SMARCC1: variants seen among roughly 807,000 people sequenced by gnomAD.
The protein encoded by SMARCC1 is SWI/SNF complex subunit SMARCC1.
A neutral mutation model predicts 147.4 loss-of-function variants in SMARCC1; 43 were observed. The observed-to-expected ratio is 0.29, with a 90% CI of 0.23 to 0.38. The LOEUF (loss-of-function observed/expected upper bound fraction) is 0.38. Ranked by LOEUF, SMARCC1 falls within the 10% of genes least tolerant of loss-of-function variation. The pLI, the probability that SMARCC1 is intolerant of heterozygous loss-of-function variation, is 1.00. For missense variants in SMARCC1, 1,119 were observed against 1,381.1 expected, an observed-to-expected ratio of 0.81 and a Z score of 3.01; for synonymous variants, 495 against 484.4, an observed-to-expected ratio of 1.02 and a Z score of -0.29.
At chr3:47,754,901 G>A (rs1303753854) in intron 2 of SMARCC1, among the ~76,000 whole-genome samples, 6 of 152,074 alleles carry the variant, frequency 3.9e-5, no homozygotes, top group Admixed American at 2.0e-4. Flanking sequence ...AAATTAGTCA[G>A]GCATGGTGGC....
In SMARCC1 at chr3:47,780,158, GTTTTTTTTTGTTTTTTTTTTTTT is replaced by G. The variant is rs1321367982; in HGVS notation, c.195+1422_195+1444del. 7.5e-3 allele frequency among the ~76,000 whole-genome samples: 387 copies of G among 51,580 alleles called. 11 individuals carry two copies. The highest frequency in any genetic ancestry group is 0.044 in the East Asian group (87 of 1,956). The allele number at this position is 51,580 out of a possible 152,430, so 33.8% of individuals were successfully genotyped here. A position where few individuals can be genotyped will look rare whatever the true frequency, so the allele number is the denominator to read the frequency against. ...AGAAATGATCATTTCTGGGTCTTTG[GTTTTTTTTTGTTTTTTTTTTTTT>G]TTTTTTTTTGGAGACAGTCTTACTT... On this transcript the variant is annotated intron_variant, in intron 1 of 27. Coordinates refer to ENST00000254480, the MANE Select transcript of SMARCC1 (RefSeq NM_003074.4).
At chr3:47,690,233 C>T (rs192518804) in intron 12 of SMARCC1, among the ~76,000 whole-genome samples, 30 of 152,146 alleles carry the variant, frequency 2.0e-4, no homozygotes, top group Admixed American at 7.9e-4. Flanking sequence ...TGGGTGCAGT[C>T]GCTCACACCT....
intron 15 of SMARCC1, 196 bp downstream of exon 15, chr3:47,680,241 C>T (rs982725516): frequency 1.9e-5 from 9 of 468,924 alleles, no homozygotes; most frequent in South Asian, 7.2e-5. Flanking sequence ...CCAAAAAAAA[C>T]CCCCCAAAAC....
chr3:47,746,613 C>A (rs929986290), intron 2 of SMARCC1, among the ~76,000 whole-genome samples: 1 of 151,928 alleles, frequency 6.6e-6, no homozygotes, highest in African/African-American at 2.4e-5. Context: ...TACCCCTCCC[C>A]AAAAGAATTC....
At chr3:47,773,968 A>G (rs1358930515) in intron 1 of SMARCC1, among the ~76,000 whole-genome samples, 3 of 152,150 alleles carry the variant, frequency 2.0e-5, no homozygotes, top group South Asian at 2.1e-4. Flanking sequence ...TCCAAGCAAG[A>G]AAAACATCTA....
intron 26 of SMARCC1, among the ~76,000 whole-genome samples, chr3:47,607,622 T>C (rs1349577480): frequency 6.6e-6 from 1 of 152,148 alleles, no homozygotes; most frequent in Non-Finnish European, 1.5e-5. Flanking sequence ...TAAAAGTACA[T>C]CTTAGGTTTT....
chr3:47,781,513 G>C (rs1158859791), intron 1 of SMARCC1, 90 bp downstream of exon 1: 1 of 899,344 alleles, frequency 1.1e-6, no homozygotes, highest in Non-Finnish European at 1.5e-6. Context: ...GGCGTGCGGG[G>C]GGGAGGGGCG....
In SMARCC1 at chr3:47,676,571, T is replaced by G; in HGVS notation, c.1725+58A>C. The G allele has an allele frequency of 2.4e-6, 3 of 1,225,218 alleles. No individual in the cohort carries two copies. In the South Asian group the frequency reaches 3.8e-5, roughly 15 times the overall value. 75.9% of individuals were successfully genotyped at this position (1,225,218 alleles called of 1,614,324 possible). On this transcript the variant is annotated intron_variant, in intron 17 of 27. Transcript: ENST00000254480. ...AATAATAATTGTTTCTAAATAGATA[T>G]GCTATAAATGGCCATTTGTTACTAT...
intron 26 of SMARCC1, among the ~76,000 whole-genome samples, chr3:47,607,701 C>T (rs1231856053): frequency 6.6e-6 from 1 of 152,088 alleles, no homozygotes; most frequent in Non-Finnish European, 1.5e-5. Flanking sequence ...ATTTAGTAAA[C>T]AATAGCCAAC....
chr3:47,723,607 G>A (rs532716902), intron 6 of SMARCC1, among the ~76,000 whole-genome samples: 17 of 152,208 alleles, frequency 1.1e-4, no homozygotes, highest in Admixed American at 7.2e-4. Context: ...GAGGTCAGTA[G>A]TTTGAGACCA....
At chr3:47,700,346 A>C (rs562341894) in intron 11 of SMARCC1, among the ~76,000 whole-genome samples, 1 of 152,204 alleles carries the variant, frequency 6.6e-6, no homozygotes, top group Non-Finnish European at 1.5e-5. Flanking sequence ...GCTCCCACAA[A>C]GATGGGTGAA....
chr3:47,702,554 G>C (rs1576416283), intron 10 of SMARCC1, among the ~76,000 whole-genome samples: 1 of 152,108 alleles, frequency 6.6e-6, no homozygotes, highest in Non-Finnish European at 1.5e-5. Flanking sequence ...CCAGGAGTTC[G>C]AGACCAGCCT....
chr3:47,695,791 G>A (rs1298862012), intron 11 of SMARCC1, among the ~76,000 whole-genome samples: 2 of 141,722 alleles, frequency 1.4e-5, no homozygotes, highest in African/African-American at 2.7e-5. Flanking sequence ...AAAGTTGGAC[G>A]CAGTGTGGCT....
chr3:47,618,431 A>G (rs1181980412), intron 25 of SMARCC1, among the ~76,000 whole-genome samples: 1 of 151,280 alleles, frequency 6.6e-6, no homozygotes, highest in Non-Finnish European at 1.5e-5. Context: ...CTGTAGTCTC[A>G]GCTGCTTGGG....
intron 6 of SMARCC1, among the ~76,000 whole-genome samples, chr3:47,721,040 T>C (rs2034227212): frequency 6.6e-6 from 1 of 152,112 alleles, no homozygotes; most frequent in African/African-American, 2.4e-5. Flanking sequence ...CCCTCTCTCT[T>C]CTATCAAAAT....
chr3:47,595,559 TAAAATAAAC>T (rs1297380905), intron 26 of SMARCC1, among the ~76,000 whole-genome samples: 1 of 150,880 alleles, frequency 6.6e-6, no homozygotes, highest in Non-Finnish European at 1.5e-5. Context: ...TAAAATAAAA[TAAAATAAAC>T]ACACAGCCAA....
chr3:47,731,209 A>ATTCCATG (rs1387924787), intron 5 of SMARCC1, among the ~76,000 whole-genome samples: 15 of 152,328 alleles, frequency 9.8e-5, no homozygotes, highest in African/African-American at 3.6e-4. Context: ...CCAGGAGTAG[A>ATTCCATG]TTCCATGTCA....
intron 13 of SMARCC1, among the ~76,000 whole-genome samples, chr3:47,686,687 T>A (rs907955079): frequency 6.6e-6 from 1 of 152,226 alleles, no homozygotes; most frequent in African/African-American, 2.4e-5. Flanking sequence ...TATTTTCTAT[T>A]AAGAAACCAA....
At chr3:47,742,923 G>A (rs2034524708) in intron 3 of SMARCC1, among the ~76,000 whole-genome samples, 1 of 152,138 alleles carries the variant, frequency 6.6e-6, no homozygotes, top group African/African-American at 2.4e-5. Flanking sequence ...TCACAAATAT[G>A]CTAGTAATTA....
Sources: allele counts gnomAD v4.1 joint callset (sites outside exome capture counted in the v4.1 genomes callset), GRCh38; gene constraint gnomAD v4.1.1; transcripts MANE v1.5; gene names NCBI Gene and HGNC (gene_info 2026-07-23, HGNC 2026-07-21).